The following PREX2 variants were observed in gnomAD, a reference collection of about 807,000 sequenced individuals.
The protein encoded by PREX2 is phosphatidylinositol 3,4,5-trisphosphate-dependent Rac exchanger 2 protein.
In PREX2, 107 loss-of-function variants were observed where a neutral mutation model predicts 203.2. That is an observed-to-expected ratio of 0.53 (90% CI 0.45 to 0.62). The LOEUF (loss-of-function observed/expected upper bound fraction) is 0.62. PREX2 is among the 20% of genes least tolerant of loss of function. The pLI is 0.00. For synonymous variants in PREX2, 672 were observed against 663.6 expected (o/e 1.01, Z -0.19); for missense variants, 1,777 against 1,955.9 (o/e 0.91, Z 1.72).
Position 68,139,830 on chromosome 8 carries a change from T to C in PREX2, c.4087+1313T>C, listed in dbSNP as rs181553718. 2.6e-5 allele frequency among the ~76,000 whole-genome samples: 4 copies of C among 152,366 alleles called. No homozygotes were observed. In the East Asian group the frequency reaches 7.7e-4, roughly 29 times the overall value. ...TTAGGTTATATTTATTCAAGAATTT[T>C]TCTGGCAGAGGGTATTTGATAAGGA... On this transcript the variant is annotated intron_variant, in intron 33 of 39. Transcript: ENST00000288368.
chr8:68,164,046 A>G (rs915267329), intron 35 of PREX2, among the ~76,000 whole-genome samples: 1 of 152,118 alleles, frequency 6.6e-6, no homozygotes, highest in East Asian at 1.9e-4. Context: ...GAATCTGTCC[A>G]TGACTCTCTA....
At chr8:68,004,151 A>G (rs67629764) in intron 1 of PREX2, among the ~76,000 whole-genome samples, 14,815 of 152,140 alleles carry the variant, frequency 0.097, 776 homozygotes, top group South Asian at 0.16. Flanking sequence ...TCAAGTGAGG[A>G]TTAAATCCAG....
At chr8:68,153,322 T>C (rs753492611) in intron 34 of PREX2, among the ~76,000 whole-genome samples, 3 of 152,232 alleles carry the variant, frequency 2.0e-5, no homozygotes, top group South Asian at 2.1e-4. Flanking sequence ...TTAATCTCTT[T>C]CTTGGGAAAG....
intron 34 of PREX2, among the ~76,000 whole-genome samples, chr8:68,147,636 T>G (rs1461215690): frequency 2.0e-5 from 3 of 152,228 alleles, no homozygotes; most frequent in Non-Finnish European, 4.4e-5. Context: ...GGATATGTCT[T>G]TATCAGCAGC....
At chr8:67,996,831 A>C (rs1367897597) in intron 1 of PREX2, among the ~76,000 whole-genome samples, 5 of 152,136 alleles carry the variant, frequency 3.3e-5, no homozygotes, top group South Asian at 4.1e-4. Context: ...GTGAAATAGG[A>C]GTTGAGGTTT....
At chr8:68,032,634 C>T (rs1469829845) in intron 6 of PREX2, among the ~76,000 whole-genome samples, 2 of 152,272 alleles carry the variant, frequency 1.3e-5, no homozygotes, top group East Asian at 1.9e-4. Flanking sequence ...TTGCTAGTCT[C>T]ATAGGACTCT....
intron 33 of PREX2, among the ~76,000 whole-genome samples, chr8:68,140,420 A>G (rs1811204485): frequency 6.6e-6 from 1 of 152,332 alleles, no homozygotes. Flanking sequence ...AAATAAGAGA[A>G]TTATTCTGTA....
At chr8:68,100,352 T>C (rs1018852555) in intron 23 of PREX2, 23 of 366,022 alleles carry the variant, frequency 6.3e-5, no homozygotes, top group Middle Eastern at 1.9e-3. Flanking sequence ...AAGGAGACAA[T>C]TTCTCTCCTC....
intron 13 of PREX2, among the ~76,000 whole-genome samples, chr8:68,071,277 A>G (rs1809188188): frequency 6.6e-6 from 1 of 152,144 alleles, no homozygotes. Context: ...AACAGAAGGA[A>G]TGTATGATAG....
intron 39 of PREX2, among the ~76,000 whole-genome samples, chr8:68,229,077 T>C (rs965989672): frequency 2.0e-5 from 3 of 152,030 alleles, no homozygotes; most frequent in African/African-American, 4.8e-5. Flanking sequence ...CAGAGTATGA[T>C]TGATGCTTTA....
At chr8:68,221,798 A>G (rs897178968) in intron 38 of PREX2, among the ~76,000 whole-genome samples, 1 of 152,216 alleles carries the variant, frequency 6.6e-6, no homozygotes, top group African/African-American at 2.4e-5. Context: ...TCTTAATGGA[A>G]TTACTTAATG....
chr8:68,194,372 A>G (rs578233056), intron 37 of PREX2, among the ~76,000 whole-genome samples: 32 of 152,334 alleles, frequency 2.1e-4, no homozygotes, highest in African/African-American at 6.0e-4. Context: ...CAAAGGAATA[A>G]AGGAAGATAG....
chr8:68,102,743 A>G (rs971268706), intron 23 of PREX2: 13 of 455,134 alleles, frequency 2.9e-5, no homozygotes, highest in African/African-American at 2.0e-4. Context: ...GGTTTTAAAA[A>G]TAGAAACCAG....
Position 68,038,309 on chromosome 8 carries a change from G to A in PREX2, c.839+17G>A. 6.2e-7 allele frequency: 1 copy of A among 1,612,822 alleles called. No individual in the cohort carries two copies. Among genetic ancestry groups the A allele is most frequent in the Non-Finnish European group, 8.5e-7 (1 of 1,179,476 alleles). ...AAAACACAGGTAAGATCCTAAGCAGGACACACTTCAGAAGTGGTCACAGTT... is the reference window on the plus strand; with the variant it reads ...AAAACACAGGTAAGATCCTAAGCAGAACACACTTCAGAAGTGGTCACAGTT... On this transcript the variant is annotated intron_variant, in intron 7 of 39. Coordinates refer to ENST00000288368, the MANE Select transcript of PREX2 (RefSeq NM_024870.4).
chr8:67,970,621 C>A (rs1034995527), intron 1 of PREX2, among the ~76,000 whole-genome samples: 1 of 152,156 alleles, frequency 6.6e-6, no homozygotes, highest in African/African-American at 2.4e-5. Flanking sequence ...ACACTAATAG[C>A]TACAGACTCA....
Position 68,051,573 on chromosome 8 carries a change from G to T in PREX2, c.944-1524G>T, listed in dbSNP as rs530986739. 6.7e-4 allele frequency among the ~76,000 whole-genome samples: 102 copies of T among 152,154 alleles called. 1 individual carries two copies. The highest frequency in any genetic ancestry group is 2.4e-3 in the African/African-American group (100 of 41,532). ...CCAGTTTATTGTAATTTCTCAGTTG[G>T]TTATTTTTATAGATATTAAGGAGGG... On this transcript the variant is annotated intron_variant, in intron 8 of 39. Coordinates refer to ENST00000288368, the MANE Select transcript of PREX2 (RefSeq NM_024870.4).
At chr8:68,047,948 T>C (rs1371153697) in intron 8 of PREX2, among the ~76,000 whole-genome samples, 1 of 152,040 alleles carries the variant, frequency 6.6e-6, no homozygotes, top group African/African-American at 2.4e-5. Flanking sequence ...TTCATAATAC[T>C]TAATGACTTG....
intron 33 of PREX2, among the ~76,000 whole-genome samples, chr8:68,140,411 A>G (rs1811204313): frequency 6.6e-6 from 1 of 152,242 alleles, no homozygotes; most frequent in Non-Finnish European, 1.5e-5. Flanking sequence ...TGATGCAGGA[A>G]ATAAGAGAAT....
intron 1 of PREX2, among the ~76,000 whole-genome samples, chr8:68,008,000 G>A (rs1451974749): frequency 1.3e-5 from 2 of 152,148 alleles, no homozygotes; most frequent in Admixed American, 1.3e-4. Flanking sequence ...AAATATGGAA[G>A]CTCTGCCTCA....
Sources: gnomAD v4.1 joint callset for allele counts (sites outside exome capture counted in the v4.1 genomes callset) on GRCh38, gnomAD v4.1.1 for gene constraint, MANE v1.5 for transcripts, NCBI Gene and HGNC (gene_info 2026-07-23, HGNC 2026-07-21) for gene names.